The following HTT variants were observed in gnomAD, a reference collection of about 807,000 sequenced individuals.
HTT encodes huntingtin.
Under a neutral mutation model 362.3 loss-of-function variants are expected in HTT, and 104 were observed. That is an observed-to-expected ratio of 0.29 (90% confidence interval 0.24 to 0.34). HTT has a LOEUF of 0.34. Ranked by LOEUF, HTT falls within the 10% of genes least tolerant of loss-of-function variation. The pLI is 1.00. For missense variants in HTT, 3,301 were observed against 3,928.6 expected (o/e 0.84, Z 4.27); for synonymous variants, 1,577 against 1,548.7 (o/e 1.02, Z -0.43).
At chr4:3,205,696 T>C (rs1719826314) in intron 42 of HTT, among the ~76,000 whole-genome samples, 1 of 152,146 alleles carries the variant, frequency 6.6e-6, no homozygotes, top group Non-Finnish European at 1.5e-5. Context: ...GCTCAACAAA[T>C]AAGTATAATG....
chr4:3,170,269 G>A (rs368606851), intron 29 of HTT, among the ~76,000 whole-genome samples: 6 of 152,082 alleles, frequency 3.9e-5, no homozygotes, highest in East Asian at 3.9e-4. Context: ...TGTCAGATGG[G>A]TTGGAGCAGT....
intron 35 of HTT, among the ~76,000 whole-genome samples, chr4:3,179,110 C>A (rs1718377344): frequency 6.6e-6 from 1 of 152,188 alleles, no homozygotes; most frequent in African/African-American, 2.4e-5. Flanking sequence ...CATCCTAAGA[C>A]CCTTGCAAAC....
At chr4:3,166,290 C>T (rs891271491) in intron 29 of HTT, among the ~76,000 whole-genome samples, 2 of 152,200 alleles carry the variant, frequency 1.3e-5, no homozygotes, top group African/African-American at 4.8e-5. Flanking sequence ...CTGGAAACAT[C>T]GTCCCAGAGC....
chr4:3,185,922 A>G (rs1249609376), intron 37 of HTT, among the ~76,000 whole-genome samples: 1 of 151,432 alleles, frequency 6.6e-6, no homozygotes, highest in Non-Finnish European at 1.5e-5. Flanking sequence ...GGGAGGGAGG[A>G]AGGAAGGAAG....
intron 1 of HTT, among the ~76,000 whole-genome samples, chr4:3,077,317 A>G (rs1712610946): frequency 6.6e-6 from 1 of 152,174 alleles, no homozygotes; most frequent in Non-Finnish European, 1.5e-5. Context: ...GTCCCCAAGA[A>G]CAAGCACTAT....
intron 28 of HTT, 115 bp from the exon 29 acceptor site, chr4:3,160,167 C>T (rs1267102480): frequency 3.7e-5 from 25 of 673,920 alleles, no homozygotes; most frequent in Admixed American, 1.7e-4. Context: ...GGTGAGTGTA[C>T]GGCGCCGCAC....
At chr4:3,127,675 C>T in intron 12 of HTT, 71 bp downstream of exon 12, 1 of 1,165,074 alleles carries the variant, frequency 8.6e-7, no homozygotes, top group Non-Finnish European at 1.2e-6. Flanking sequence ...CTCCATAGTG[C>T]AGTGGAGGCC....
At chr4:3,233,431 T>G in intron 61 of HTT, 78 bp downstream of exon 61, 1 of 1,392,778 alleles carries the variant, frequency 7.2e-7, no homozygotes, top group Non-Finnish European at 1.0e-6. Flanking sequence ...CCTCTCCAAG[T>G]GCCCAGGCTC....
At chr4:3,185,691 T>C (rs1172589987) in intron 37 of HTT, among the ~76,000 whole-genome samples, 1 of 152,186 alleles carries the variant, frequency 6.6e-6, no homozygotes, top group Non-Finnish European at 1.5e-5. Flanking sequence ...GGCAGGCAGA[T>C]TGCTTGAGCT....
rs1005721829 is a variant in HTT at position 3,131,389 on chromosome 4, G to A, written c.2090G>A (p.Gly697Glu). Residue 697 changes from glycine (G) to glutamate (E), a missense_variant, in exon 15 of 67, where the codon GGA becomes GAA. Gly to Glu is a moderately conservative substitution (Grantham distance 98, BLOSUM62 -2). Around this residue, in one of 4 missense-constraint regions of HTT, gnomAD observed 2,316 missense variants for 2,658.5 expected, o/e 0.87. Coordinates refer to ENST00000355072, the MANE Select transcript of HTT (RefSeq NM_001388492.1). ...LLSASFLLTG[G>E]KNVLVPDRDV... is the part of the protein sequence containing the mutation. The stretch of plus-strand genomic sequence containing the variant: ...TCTGCTTCGTTTTTGCTAACAGGGG[G>A]AAAAAATGGTGAGTACAAAAGGGGA... The A allele has an allele frequency of 1.5e-5, 24 of 1,611,952 alleles. No homozygotes were observed. The highest frequency in any genetic ancestry group is 2.0e-5 in the Non-Finnish European group (23 of 1,178,212).
chr4:3,114,386 T>A (rs1714917598), intron 6 of HTT, among the ~76,000 whole-genome samples: 1 of 152,246 alleles, frequency 6.6e-6, no homozygotes, highest in Admixed American at 6.5e-5. Flanking sequence ...GGCCAGATTT[T>A]GGGGGGCCTG....
intron 45 of HTT, 119 bp from the exon 46 acceptor site, chr4:3,208,654 C>T (rs1660312201): frequency 7.5e-6 from 7 of 936,800 alleles, no homozygotes; most frequent in Non-Finnish European, 1.1e-5. Flanking sequence ...TAAGAAGCCA[C>T]TAATAGTGCA....
chr4:3,227,338 A>T (rs1720969885), intron 57 of HTT, among the ~76,000 whole-genome samples: 2 of 106,500 alleles, frequency 1.9e-5, no homozygotes, highest in Admixed American at 1.8e-4. Context: ...TCTGGGGCTG[A>T]AGGACAGTGC....
chr4:3,233,399 G>T, intron 61 of HTT, 46 bp downstream of exon 61: 7 of 1,542,444 alleles, frequency 4.5e-6, no homozygotes, highest in Non-Finnish European at 6.2e-6. Context: ...CTCAGAATGA[G>T]CTGTGAAGGA....
intron 25 of HTT, among the ~76,000 whole-genome samples, chr4:3,147,749 C>T (rs573208557): frequency 2.0e-5 from 3 of 152,218 alleles, no homozygotes; most frequent in Admixed American, 6.5e-5. Context: ...AACTGAACTT[C>T]GGTTGTGAAG....
chr4:3,238,574 C>T lies in HTT; in HGVS notation c.9019C>T (p.Pro3007Ser), dbSNP rs961154391. ...CGGAGAGTTTCTGTCCAACCAGCAG[C>T]CATACCCCCAGTTCATGGCCACCGT... ...VIGEFLSNQQ[P>S]YPQFMATVVY... The change falls in exon 65 of 67, where the codon CCA becomes TCA. Residue 3007 changes from proline to serine, a missense_variant. Transcript: ENST00000355072. 2.5e-6 allele frequency: 4 copies of T among 1,612,398 alleles called. No individual in the cohort carries two copies. The Admixed American group carries it at 6.7e-5, about 27-fold the overall frequency.
At position 3,231,224 on chromosome 4, in the gene HTT, G is replaced by A. The variant is rs575634633; in HGVS notation, c.8265+1182G>A. On this transcript the variant is annotated intron_variant, in intron 60 of 66. Transcript: ENST00000355072. ...CCTGAGTGGCTGCCGTGTGCCAGCC[G>A]TCTGGGGCCCTTGGTGAGAATGGCA... Among the ~76,000 whole-genome samples, 173 of 152,354 alleles carry A rather than the reference G, an allele frequency of 1.1e-3. 1 individual carries two copies. The highest frequency in any genetic ancestry group is 3.5e-3 in the African/African-American group (145 of 41,586).
intron 47 of HTT, among the ~76,000 whole-genome samples, chr4:3,210,473 C>T (rs1720100263): frequency 6.6e-6 from 1 of 152,216 alleles, no homozygotes; most frequent in Non-Finnish European, 1.5e-5. Flanking sequence ...ATTTCCTCTA[C>T]TCACACCTCT....
At chr4:3,134,305 A>G (rs1195758166) in intron 18 of HTT, 96 bp from the exon 19 acceptor site, 3 of 1,055,698 alleles carry the variant, frequency 2.8e-6, no homozygotes, top group Non-Finnish European at 4.1e-6. Context: ...AACCCAGAAC[A>G]TTGTGTGTTG....
Sources: allele counts gnomAD v4.1 joint callset (sites outside exome capture counted in the v4.1 genomes callset), GRCh38; gene constraint gnomAD v4.1.1; regional missense constraint gnomAD v4.1.1; transcripts MANE v1.5; gene names NCBI Gene and HGNC (gene_info 2026-07-23, HGNC 2026-07-21).